Variants in NCAN observed in about 807,000 individuals in gnomAD.
NCAN encodes neurocan.
NCAN carries 47 observed loss-of-function variants against 121.8 expected under a neutral mutation model. That is an observed-to-expected ratio of 0.39 (90% CI 0.31 to 0.49). The LOEUF (loss-of-function observed/expected upper bound fraction) is 0.49, where lower values mean the gene tolerates loss of function less well. Among genes scored for constraint, NCAN ranks in the 20% least tolerant of loss-of-function variants. The probability of loss-of-function intolerance (pLI) is 0.92; values close to 1 mark genes in which losing one functional copy is unlikely to be tolerated. For synonymous variants in NCAN, 633 were observed against 702.0 expected (o/e 0.90, Z 1.55); for missense variants, 1,517 against 1,773.4 (o/e 0.86, Z 2.60).
rs774935396 is a variant in NCAN, at chr19:19,226,513, AC to A, written c.1102del (p.Leu368Ter). 6.2e-7 allele frequency: 1 copy of A among 1,601,000 alleles called. No individual in the cohort carries two copies. The highest frequency in any genetic ancestry group is 1.7e-5 in the Admixed American group (1 of 58,878). ...RAHHPTSQHGDLETPSSGDEG... is the reference protein window; with the variant it reads ...RAHHPTSQHGXLETPSSGDEG... Reference sequence around the variant, plus strand: ...CATCACCCCACGTCACAACATGGAGACCTAGAGACCCCATCCTCTGGGGATG... The same window carrying A: ...CATCACCCCACGTCACAACATGGAGACTAGAGACCCCATCCTCTGGGGATG... On this transcript the variant is annotated frameshift_variant, in exon 7 of 15. Coordinates refer to ENST00000252575, the MANE Select transcript of NCAN (RefSeq NM_004386.3). LOFTEE classifies it high-confidence loss of function.
In NCAN at chr19:19,249,760, C is replaced by T. The variant is rs1371279094; in HGVS notation, c.3821-6C>T. ...CCCTTCCCTGTCCTCCCTCACTTCC[C>T]TGCAGCCAGACGTTCACATCGGATG... On this transcript the variant is annotated splice_region_variant and splice_polypyrimidine_tract_variant and intron_variant, in intron 14 of 14. Coordinates refer to ENST00000252575, the MANE Select transcript of NCAN (RefSeq NM_004386.3). 4 of 1,595,100 alleles carry T rather than the reference C, an allele frequency of 2.5e-6. No individual in the cohort carries two copies. The highest frequency in any genetic ancestry group is 2.6e-6 in the Non-Finnish European group (3 of 1,171,602).
chr19:19,215,575 T>C (rs1238967062), intron 1 of NCAN, among the ~76,000 whole-genome samples: 2 of 152,074 alleles, frequency 1.3e-5, no homozygotes, highest in African/African-American at 4.8e-5. Flanking sequence ...AAGAAGTATC[T>C]TTGTTGAGCT....
In NCAN at chr19:19,219,256, C is replaced by T. The variant is rs763467148; in HGVS notation, c.415C>T (p.Arg139Cys). 35 of 1,599,020 alleles carry T rather than the reference C, an allele frequency of 2.2e-5. No homozygotes were observed. The highest frequency in any genetic ancestry group is 2.8e-5 in the Non-Finnish European group (33 of 1,176,896). The change falls in exon 3 of 15, where the codon CGC becomes TGC. Residue 139 changes from arginine to cysteine, a missense_variant. Physicochemically the swap from Arg to Cys is radical, Grantham distance 180. Transcript: ENST00000252575. ...PLRASDSGLY[R>C]CQVVRGIEDE... ...GAGGGCCAGTGACTCTGGGCTGTAC[C>T]GCTGCCAGGTGGTGAGGGGCATCGA...
chr19:19,227,864 G>C lies in NCAN; in HGVS notation c.2244G>C (p.Thr748=). ...CCACTGAGACTGCCACTGAGCCAAC[G>C]GGCCTCAGGGGTATCCCGGGGTCTG... is the stretch of plus-strand genomic sequence containing the variant. The part of the protein sequence containing the change: ...FVPTETATEP[T]GLRGIPGSES... The change falls in exon 8 of 15, where the codon ACG becomes ACC. Residue 748 remains threonine, a synonymous_variant. Transcript: ENST00000252575. The surrounding 1 kb of genome is among the most constrained non-coding windows in gnomAD (Gnocchi z 4.2). The C allele has an allele frequency of 1.2e-6, 2 of 1,613,702 alleles. No individual in the cohort carries two copies. Among genetic ancestry groups the C allele is most frequent in the Non-Finnish European group, 1.7e-6 (2 of 1,179,996 alleles).
rs1265120670 is a variant in NCAN at position 19,212,447 on chromosome 19, C to A, written c.-8+383C>A. Among the ~76,000 whole-genome samples the A allele has an allele frequency of 6.6e-6, 1 of 151,892 alleles. No homozygotes were observed. Among genetic ancestry groups the A allele is most frequent in the Admixed American group, 6.6e-5 (1 of 15,254 alleles). On this transcript the variant is annotated intron_variant, in intron 1 of 14. Coordinates refer to ENST00000252575, the MANE Select transcript of NCAN (RefSeq NM_004386.3). The surrounding 1 kb of genome is among the most constrained non-coding windows in gnomAD (Gnocchi z 4.5). ...TGGGGGACTCTGGAACAGGGCACCC[C>A]CGTATCTCAGCCGAGACACCCCAGG...
Position 19,248,827 on chromosome 19 carries a change from C to T in NCAN, c.3765C>T (p.Thr1255=). Residue 1255 remains threonine, a synonymous_variant, in exon 14 of 15, where the codon ACC becomes ACT. Transcript: ENST00000252575. ...GATTTGCCCAGCACCATGTGGCCAC[C>T]ATTCGATGCCGGAGCAATGGCAAGT... ...NEGFAQHHVA[T]IRCRSNGKWD... The T allele has an allele frequency of 6.2e-7, 1 of 1,614,204 alleles. No individual in the cohort carries two copies. Among genetic ancestry groups the T allele is most frequent in the Non-Finnish European group, 8.5e-7 (1 of 1,180,030 alleles).
intron 12 of NCAN, among the ~76,000 whole-genome samples, 185 bp from the exon 13 acceptor site, chr19:19,245,128 T>C (rs2146559005): frequency 6.6e-6 from 1 of 152,158 alleles, no homozygotes; most frequent in South Asian, 2.1e-4. Flanking sequence ...ACCAGAGGAA[T>C]GGTGTATTGG....
intron 5 of NCAN, among the ~76,000 whole-genome samples, chr19:19,224,685 G>T (rs2060828981): frequency 1.4e-5 from 2 of 143,484 alleles, no homozygotes; most frequent in African/African-American, 5.3e-5. Flanking sequence ...CTGCCTCCCT[G>T]TCCCTATCCC....
Position 19,224,296 on chromosome 19 carries a change from G to T in NCAN, c.651-10G>T. On this transcript the variant is annotated splice_polypyrimidine_tract_variant and intron_variant, in intron 4 of 14. Coordinates refer to ENST00000252575, the MANE Select transcript of NCAN (RefSeq NM_004386.3). ...CACATCTGAGAGGGACCCTCCCCTT[G>T]TGTTGTCAGGTATCCTATCACCCAG... The T allele has an allele frequency of 6.2e-7, 1 of 1,611,150 alleles. No individual in the cohort carries two copies. Among genetic ancestry groups the T allele is most frequent in the Non-Finnish European group, 8.5e-7 (1 of 1,177,706 alleles).
rs369044057 is a variant in NCAN at position 19,248,657 on chromosome 19, C to T, written c.3638-43C>T. 13 of 1,580,068 alleles carry T rather than the reference C, an allele frequency of 8.2e-6. No individual in the cohort carries two copies. The African/African-American group carries it at 1.8e-4, about 21-fold the overall frequency. On this transcript the variant is annotated intron_variant, in intron 13 of 14. Transcript: ENST00000252575. ...AACAACAACAACAACTAGTTTAGCC[C>T]CAGATGTGAGCACCTCTCTCACTAG...
At chr19:19,237,812 G>C (rs1016808175) in intron 10 of NCAN, among the ~76,000 whole-genome samples, 1 of 152,192 alleles carries the variant, frequency 6.6e-6, no homozygotes, top group Non-Finnish European at 1.5e-5. Context: ...GGGAGGCTGA[G>C]GTGGGCAGAT....
At chr19:19,217,864 G>A (rs2060801435) in intron 2 of NCAN, among the ~76,000 whole-genome samples, 1 of 152,150 alleles carries the variant, frequency 6.6e-6, no homozygotes, top group Non-Finnish European at 1.5e-5. Flanking sequence ...GCACATGCCT[G>A]TAATCCCATC....
At chr19:19,213,569 G>C (rs2060783898) in intron 1 of NCAN, among the ~76,000 whole-genome samples, 1 of 150,698 alleles carries the variant, frequency 6.6e-6, no homozygotes, top group South Asian at 2.1e-4. Context: ...CGCCTGTCTT[G>C]TAAGTGCCCA....
chr19:19,231,676 C>T (rs557507921), intron 8 of NCAN, among the ~76,000 whole-genome samples: 28 of 152,084 alleles, frequency 1.8e-4, no homozygotes, highest in Non-Finnish European at 1.2e-4. Context: ...ATGCTTAGCT[C>T]GTTGGCATAA....
In NCAN at chr19:19,248,866, A is replaced by C. The variant is rs771551055; in HGVS notation, c.3804A>C (p.Gln1268His). 1.2e-6 allele frequency: 2 copies of C among 1,614,104 alleles called. No individual in the cohort carries two copies. Among genetic ancestry groups the C allele is most frequent in the Non-Finnish European group, 8.5e-7 (1 of 1,179,992 alleles). ...CRSNGKWDRP[Q>H]IVCTKPRRSH... is the part of the protein sequence containing the mutation. The stretch of plus-strand genomic sequence containing the variant: ...GCAATGGCAAGTGGGACAGGCCCCA[A>C]ATTGTCTGCACCAAACGTAAGTAGC... Residue 1268 changes from glutamine (Q) to histidine (H), a missense_variant, in exon 14 of 15, where the codon CAA (glutamine) becomes CAC (histidine). Coordinates refer to ENST00000252575, the MANE Select transcript of NCAN (RefSeq NM_004386.3).
At chr19:19,220,753 T>C (rs112254184) in intron 3 of NCAN, among the ~76,000 whole-genome samples, 17,555 of 151,746 alleles carry the variant, frequency 0.12, 1,338 homozygotes, top group African/African-American at 0.2. Context: ...CCACCGCACC[T>C]GGCAACCAAT....
chr19:19,247,825 GAGAC>G (rs1298081945), intron 13 of NCAN, among the ~76,000 whole-genome samples: 1 of 152,184 alleles, frequency 6.6e-6, no homozygotes, highest in African/African-American at 2.4e-5. Flanking sequence ...TTGGGTAGAA[GAGAC>G]AGACAGACAC....
At chr19:19,216,484 G>A (rs2060796490) in intron 1 of NCAN, among the ~76,000 whole-genome samples, 1 of 152,062 alleles carries the variant, frequency 6.6e-6, no homozygotes, top group Non-Finnish European at 1.5e-5. Flanking sequence ...GCTAATTTTT[G>A]TATTTTTAGT....
At chr19:19,220,330 T>A (rs1460809107) in intron 3 of NCAN, among the ~76,000 whole-genome samples, 2 of 152,046 alleles carry the variant, frequency 1.3e-5, no homozygotes, top group Non-Finnish European at 2.9e-5. Flanking sequence ...AAATAAAAAA[T>A]TCCTTGTAAA....
Sources: gnomAD v4.1 joint callset for allele counts (sites outside exome capture counted in the v4.1 genomes callset) on GRCh38, gnomAD v4.1.1 for gene constraint, Gnocchi (gnomAD v3.1) non-coding constraint, MANE v1.5 for transcripts, NCBI Gene and HGNC (gene_info 2026-07-23, HGNC 2026-07-21) for gene names.